FBXO17: variants seen among roughly 807,000 people sequenced by gnomAD.
The protein encoded by FBXO17 is F-box protein 17, also known as F-box only protein 17.
FBXO17 carries 43 observed loss-of-function variants against 34.1 expected under a neutral mutation model. The ratio of observed to expected loss-of-function variants is 1.26; its 90% CI spans 0.99 to 1.62. The LOEUF is 1.62. Ranked by LOEUF, FBXO17 falls within the 40% of genes most tolerant of loss-of-function variation. The probability of loss-of-function intolerance (pLI) is 0.00; values close to 1 mark genes in which losing one functional copy is unlikely to be tolerated. For synonymous variants in FBXO17, 169 were observed against 166.0 expected, an observed-to-expected ratio of 1.02 and a Z score of -0.14; for missense variants, 424 against 386.7, an observed-to-expected ratio of 1.10 and a Z score of -0.81.
At position 38,963,902 on chromosome 19, in the gene FBXO17, G is replaced by A. The variant is rs572257805; in HGVS notation, c.-18+11684C>T. On this transcript the variant is annotated intron_variant, in intron 1 of 5. Transcript: ENST00000292852. ...GGGTTCAAGCAGTTCTCCTGCCTCA[G>A]CCTCCCAAGTAGCTGGGATTACAGG... 1.3e-4 allele frequency among the ~76,000 whole-genome samples: 20 copies of A among 151,930 alleles called. No homozygotes were observed. The South Asian group carries it at 4.2e-3, about 32-fold the overall frequency.
intron 1 of FBXO17, among the ~76,000 whole-genome samples, chr19:38,959,113 A>C (rs143111419): frequency 2.7e-5 from 4 of 149,860 alleles, no homozygotes; most frequent in Non-Finnish European, 1.5e-5. Context: ...GGGTCTCCCT[A>C]TGTTGCCCAG....
intron 1 of FBXO17, among the ~76,000 whole-genome samples, chr19:38,969,719 C>G (rs891951959): frequency 4.6e-5 from 7 of 151,534 alleles, no homozygotes; most frequent in African/African-American, 1.7e-4. Context: ...GCCTCAGACT[C>G]CCAGGTAGCT....
chr19:38,963,124 G>A (rs772720815), intron 1 of FBXO17, among the ~76,000 whole-genome samples: 8 of 152,066 alleles, frequency 5.3e-5, no homozygotes, highest in Non-Finnish European at 1.0e-4. Context: ...AAATTACTGT[G>A]TGGTTTGTCT....
chr19:38,971,170 G>A (rs1020270331), intron 1 of FBXO17, among the ~76,000 whole-genome samples: 1 of 151,748 alleles, frequency 6.6e-6, no homozygotes, highest in Non-Finnish European at 1.5e-5. Flanking sequence ...GATCAGAGAT[G>A]ATGGACCTCT....
rs1290298653 is a variant in FBXO17, at chr19:38,941,513, T to C, written c.*1095A>G. ...AAGCCAGTGATAAGCATTATTTCTA[T>C]AGATTATAGATTAACTAAAAACATT... On this transcript the variant is annotated 3_prime_UTR_variant, in exon 6 of 6. Transcript: ENST00000292852. 1 of 152,240 alleles carries C rather than the reference T, an allele frequency of 6.6e-6. No individual in the cohort carries two copies. The highest frequency in any genetic ancestry group is 2.4e-5 in the African/African-American group (1 of 41,458). 9.4% of individuals were successfully genotyped at this position (152,240 alleles called of 1,614,324 possible).
At chr19:38,949,187 C>T (rs1011904514) in intron 2 of FBXO17, among the ~76,000 whole-genome samples, 3 of 152,174 alleles carry the variant, frequency 2.0e-5, no homozygotes, top group East Asian at 1.9e-4. Context: ...CTGTAACCTC[C>T]GCCTCCCAGG....
chr19:38,948,540 T>C, intron 3 of FBXO17, 27 bp downstream of exon 3: 1 of 1,586,502 alleles, frequency 6.3e-7, no homozygotes, highest in African/African-American at 1.3e-5. Flanking sequence ...GCCCCAGGGA[T>C]CGGGGCCTCT....
At chr19:38,948,413 C>A (rs1975018757) in intron 3 of FBXO17, among the ~76,000 whole-genome samples, 154 bp downstream of exon 3, 1 of 152,214 alleles carries the variant, frequency 6.6e-6, no homozygotes, top group South Asian at 2.1e-4. Context: ...ACAGTACCCT[C>A]AACAAGTATT....
At chr19:38,949,831 A>C in intron 2 of FBXO17, 140 bp downstream of exon 2, 1 of 1,074,968 alleles carries the variant, frequency 9.3e-7, no homozygotes. Context: ...CCGCCCAGGC[A>C]CTGCGTCCCT....
chr19:38,943,749 C>T (rs923545493), intron 5 of FBXO17, among the ~76,000 whole-genome samples: 12 of 152,092 alleles, frequency 7.9e-5, no homozygotes, highest in African/African-American at 2.7e-4. Flanking sequence ...CATCACCGTG[C>T]CTGGCTAATT....
In FBXO17 at chr19:38,942,644, G is replaced by T. The variant is rs1462772430; in HGVS notation, c.801C>A (p.Thr267=). 3 of 1,596,694 alleles carry T rather than the reference G, an allele frequency of 1.9e-6. No homozygotes were observed. The African/African-American group carries it at 4.1e-5, about 22-fold the overall frequency. Residue 267 remains threonine, a synonymous_variant, in exon 6 of 6, where the codon ACC becomes ACA. Transcript: ENST00000292852. ...GGATCCTGACCCTCACACTGGAGTG[G>T]GTCACAAGGGCGCCATAGTGCCCCA... ...SWVGHYGALV[T]HSSVRVRIRL... is the part of the protein sequence containing the mutation.
chr19:38,944,869 TA>T, intron 5 of FBXO17, 99 bp downstream of exon 5: 1 of 1,508,172 alleles, frequency 6.6e-7, no homozygotes, highest in Non-Finnish European at 9.0e-7. Flanking sequence ...GTTATGATTA[TA>T]GATATCCAGG....
chr19:38,942,809 C>G, intron 5 of FBXO17, 58 bp from the exon 6 acceptor site: 1 of 1,565,960 alleles, frequency 6.4e-7, no homozygotes, highest in South Asian at 1.2e-5. Flanking sequence ...TCTTCCTCCA[C>G]TTCAACAGAT....
intron 1 of FBXO17, among the ~76,000 whole-genome samples, chr19:38,968,319 C>CA (rs60055493): frequency 0.75 from 111,387 of 147,904 alleles, 42,896 homozygotes; most frequent in East Asian, 0.96. Context: ...ACTCTGTCTC[C>CA]AAAAAAAAAA....
At chr19:38,950,670 C>G (rs1404243034) in intron 1 of FBXO17, among the ~76,000 whole-genome samples, 1 of 152,204 alleles carries the variant, frequency 6.6e-6, no homozygotes, top group Non-Finnish European at 1.5e-5. Context: ...GGGACTTTAC[C>G]CATTCCTGCA....
At chr19:38,971,864 G>A (rs1011828280) in intron 1 of FBXO17, among the ~76,000 whole-genome samples, 5 of 152,124 alleles carry the variant, frequency 3.3e-5, no homozygotes, top group African/African-American at 1.2e-4. Flanking sequence ...TAGGTGAACA[G>A]GCTATAATAG....
intron 3 of FBXO17, 55 bp downstream of exon 3, chr19:38,948,512 C>A: frequency 7.1e-7 from 1 of 1,413,360 alleles, no homozygotes; most frequent in Non-Finnish European, 9.8e-7. Flanking sequence ...GGGTAGGGTC[C>A]CTTTCTTTGG....
chr19:38,967,616 G>T (rs1011770645), intron 1 of FBXO17, among the ~76,000 whole-genome samples: 1 of 151,390 alleles, frequency 6.6e-6, no homozygotes, highest in East Asian at 2.0e-4. Context: ...TCAGGCTGGA[G>T]TGCAGTGGCA....
At chr19:38,955,766 G>A (rs1446959414) in intron 1 of FBXO17, among the ~76,000 whole-genome samples, 1 of 151,978 alleles carries the variant, frequency 6.6e-6, no homozygotes, top group Non-Finnish European at 1.5e-5. Flanking sequence ...TTATAGGTGT[G>A]AGCCACTGTG....
Sources: allele counts gnomAD v4.1 joint callset (sites outside exome capture counted in the v4.1 genomes callset), GRCh38; gene constraint gnomAD v4.1.1; transcripts MANE v1.5; gene names NCBI Gene and HGNC (gene_info 2026-07-23, HGNC 2026-07-21).